Variants in NADSYN1 observed in about 807,000 individuals in gnomAD.
NADSYN1 encodes the protein NAD synthetase 1, also known as glutamine-dependent NAD(+) synthetase.
In NADSYN1, 80 loss-of-function variants were observed where a neutral mutation model predicts 99.3. The ratio of observed to expected loss-of-function variants is 0.81; its 90% CI spans 0.67 to 0.97. NADSYN1 has a LOEUF of 0.97. NADSYN1 is among the 50% of genes least tolerant of loss of function. NADSYN1 has a pLI of 0.00. For synonymous variants in NADSYN1, 385 were observed against 372.1 expected (o/e 1.03, Z -0.40); for missense variants, 859 against 948.5 (o/e 0.91, Z 1.24).
At chr11:71,476,924 G>C in intron 9 of NADSYN1, 1 of 989,942 alleles carries the variant, frequency 1.0e-6, no homozygotes, top group Non-Finnish European at 1.2e-6. Context: ...CACGTCTCTA[G>C]AGTTCCTGAT....
chr11:71,476,814 C>T, intron 9 of NADSYN1: 8 of 985,796 alleles, frequency 8.1e-6, no homozygotes, highest in Non-Finnish European at 9.6e-6. Flanking sequence ...AGGTTCCCGG[C>T]CCCACATCAA....
chr11:71,455,552 C>T (rs117321149), intron 2 of NADSYN1: 1 of 208,120 alleles, frequency 4.8e-6, no homozygotes, highest in Admixed American at 5.3e-5. Flanking sequence ...GTGATTGGGT[C>T]ATGAGGGCAT....
Position 71,485,602 on chromosome 11 carries a change from G to T in NADSYN1, c.1516G>T (p.Val506Phe). 1 of 1,561,986 alleles carries T rather than the reference G, an allele frequency of 6.4e-7. No homozygotes were observed. Among genetic ancestry groups the T allele is most frequent in the Non-Finnish European group, 8.7e-7 (1 of 1,152,124 alleles). ...TCAGTTGAGCCTCTGGTCTCGGGGT[G>T]TCCACGGTGGGCTCCTCGTGCTGGG... ...FAQLSLWSRG[V>F]HGGLLVLGSA... The change falls in exon 16 of 21, where the codon GTC (valine) becomes TTC (phenylalanine). Residue 506 changes from valine to phenylalanine, a missense_variant. Transcript: ENST00000319023.
Position 71,501,632 on chromosome 11 carries a change from G to T in NADSYN1, c.*280G>T. The T allele has an allele frequency of 2.1e-6, 1 of 483,498 alleles. No homozygotes were observed. Among genetic ancestry groups the T allele is most frequent in the East Asian group, 3.5e-5 (1 of 28,184 alleles). The allele number at this position is 483,498 out of a possible 1,614,324, so 30.0% of individuals were successfully genotyped here. ...TCTCCGAAGGAAGCCGCCTGGGTAG[G>T]AGGGTTCCAACCGCCGCCCCGTGTG... On this transcript the variant is annotated 3_prime_UTR_variant, in exon 21 of 21. Coordinates refer to ENST00000319023, the MANE Select transcript of NADSYN1 (RefSeq NM_018161.5).
At position 71,501,360 on chromosome 11, in the gene NADSYN1, T is replaced by G; in HGVS notation, c.*8T>G. ...CTGGACGGCGTGGACTGAGGCCGGTTCCTTCCTGGAGGCCTCCTGTCCTCG... is the reference window on the plus strand; with the variant it reads ...CTGGACGGCGTGGACTGAGGCCGGTGCCTTCCTGGAGGCCTCCTGTCCTCG... On this transcript the variant is annotated 3_prime_UTR_variant, in exon 21 of 21. Coordinates refer to ENST00000319023, the MANE Select transcript of NADSYN1 (RefSeq NM_018161.5). 6.2e-7 allele frequency: 1 copy of G among 1,601,796 alleles called. No homozygotes were observed. Among genetic ancestry groups the G allele is most frequent in the South Asian group, 1.1e-5 (1 of 88,450 alleles).
At chr11:71,487,830 CAAAAAAA>C (rs71049984) in intron 16 of NADSYN1, among the ~76,000 whole-genome samples, 5 of 80,088 alleles carry the variant, frequency 6.2e-5, no homozygotes, top group East Asian at 3.9e-4. Flanking sequence ...GACTCCGTCT[CAAAAAAA>C]AAAAAAAAAA....
rs771815690 is a variant in NADSYN1 at position 71,480,713 on chromosome 11, C to T, written c.874-42C>T. On this transcript the variant is annotated intron_variant, in intron 10 of 20. Transcript: ENST00000319023. The stretch of plus-strand genomic sequence containing the variant: ...CGGTCCTGGGGACCCAGAGGGTTTC[C>T]GTGAAGCTGGGAGTCATTCTGTCTT... The T allele has an allele frequency of 2.1e-5, 34 of 1,612,936 alleles. No individual in the cohort carries two copies. The African/African-American group carries it at 2.5e-4, about 12-fold the overall frequency.
intron 12 of NADSYN1, 69 bp from the exon 13 acceptor site, chr11:71,481,854 G>A: frequency 7.0e-7 from 1 of 1,423,314 alleles, no homozygotes; most frequent in Non-Finnish European, 9.7e-7. Context: ...TATGGGTGGA[G>A]CTTGGCTGAT....
chr11:71,478,109 G>A (rs1003321923), intron 9 of NADSYN1, among the ~76,000 whole-genome samples: 4 of 150,776 alleles, frequency 2.7e-5, no homozygotes, highest in Admixed American at 6.6e-5. Context: ...TGACAGGGGT[G>A]TGTCTTACTG....
intron 17 of NADSYN1, 70 bp downstream of exon 17, chr11:71,491,046 G>T: frequency 1.3e-6 from 2 of 1,594,200 alleles, no homozygotes; most frequent in Non-Finnish European, 1.7e-6. Context: ...CGGCCACCCT[G>T]GCCCACACTC....
At position 71,464,134 on chromosome 11, in the gene NADSYN1, G is replaced by T; in HGVS notation, c.399G>T (p.Ser133=). 1 of 1,608,482 alleles carries T rather than the reference G, an allele frequency of 6.2e-7. No homozygotes were observed. Among genetic ancestry groups the T allele is most frequent in the Non-Finnish European group, 8.5e-7 (1 of 1,177,604 alleles). ...AGCTGCGCTGGTTCACCCCGTGGTC[G>T]AGGAGTCGGTGAGTCGGGTGCCTGA... ...YRELRWFTPW[S]RSRHTEEYFL... is the part of the protein sequence containing the mutation. Residue 133 remains serine, a synonymous_variant, in exon 5 of 21, where the codon TCG becomes TCT. Coordinates refer to ENST00000319023, the MANE Select transcript of NADSYN1 (RefSeq NM_018161.5).
intron 16 of NADSYN1, among the ~76,000 whole-genome samples, chr11:71,489,932 TC>T (rs1372337773): frequency 1.3e-5 from 2 of 151,912 alleles, no homozygotes. Context: ...CAGCCAGGAG[TC>T]CCGTGGAGAA....
rs572279949 is a variant in NADSYN1, at chr11:71,481,989, A to T, written c.1114A>T (p.Met372Leu). 6.2e-7 allele frequency: 1 copy of T among 1,612,406 alleles called. No individual in the cohort carries two copies. Among genetic ancestry groups the T allele is most frequent in the South Asian group, 1.1e-5 (1 of 90,738 alleles). Residue 372 changes from methionine (M) to leucine (L), a missense_variant, in exon 13 of 21, where the codon ATG becomes TTG. Transcript: ENST00000319023. ...AGCCACCGCCTGCCTCATCTACTCC[A>T]TGTGCTGCCAGGTCTGCGAGGCCGT... is the stretch of plus-strand genomic sequence containing the variant. ...SAATACLIYS[M>L]CCQVCEAVRS...
At chr11:71,469,600 G>T (rs1253158227) in intron 5 of NADSYN1, among the ~76,000 whole-genome samples, 1 of 152,220 alleles carries the variant, frequency 6.6e-6, no homozygotes, top group Admixed American at 6.5e-5. Context: ...GTTATCTGCA[G>T]CAGGAACATG....
intron 1 of NADSYN1, 91 bp from the exon 2 acceptor site, chr11:71,455,019 T>A (rs979705201): frequency 1.7e-5 from 16 of 957,698 alleles, no homozygotes; most frequent in African/African-American, 4.9e-5. Flanking sequence ...TTTTTTTTTT[T>A]ATCCTACCTA....
intron 5 of NADSYN1, 44 bp downstream of exon 5, chr11:71,464,186 C>T (rs1189637568): frequency 3.4e-6 from 5 of 1,452,640 alleles, no homozygotes; most frequent in Middle Eastern, 3.5e-4. Flanking sequence ...CGTTAAGCAC[C>T]TCCGCTGTGT....
intron 1 of NADSYN1, 75 bp downstream of exon 1, chr11:71,453,456 G>A (rs1386418093): frequency 2.2e-6 from 3 of 1,369,644 alleles, no homozygotes; most frequent in Non-Finnish European, 3.1e-6. Context: ...CTTGCCCGTG[G>A]CGTGCTCACA....
chr11:71,485,790 C>T, intron 16 of NADSYN1, 142 bp downstream of exon 16: 1 of 648,982 alleles, frequency 1.5e-6, no homozygotes, highest in South Asian at 2.1e-5. Flanking sequence ...TAGAATTTCA[C>T]CCAACCCGAG....
intron 11 of NADSYN1, 64 bp from the exon 12 acceptor site, chr11:71,481,292 G>A: frequency 2.6e-6 from 4 of 1,548,042 alleles, no homozygotes; most frequent in Non-Finnish European, 3.6e-6. Context: ...CTGCTTGGGT[G>A]GGTTGTTGGG....
Sources: allele counts gnomAD v4.1 joint callset (sites outside exome capture counted in the v4.1 genomes callset), GRCh38; gene constraint gnomAD v4.1.1; transcripts MANE v1.5; gene names NCBI Gene and HGNC (gene_info 2026-07-23, HGNC 2026-07-21).